TSPEAR: variants seen among roughly 807,000 people sequenced by gnomAD.
TSPEAR encodes the protein thrombospondin-type laminin G domain and EAR repeat-containing protein.
Under a neutral mutation model 71.6 loss-of-function variants are expected in TSPEAR, and 69 were observed. That is an observed-to-expected ratio of 0.96 (90% CI 0.79 to 1.18). The LOEUF is 1.18. Ranked by LOEUF, TSPEAR falls within the 50% of genes most tolerant of loss-of-function variation. TSPEAR has a pLI of 0.00. For synonymous variants in TSPEAR, 402 were observed against 387.2 expected, an observed-to-expected ratio of 1.04 and a Z score of -0.45; for missense variants, 971 against 894.9, an observed-to-expected ratio of 1.09 and a Z score of -1.09.
At chr21:44,502,769 G>T (rs587720551) in intron 11 of TSPEAR, among the ~76,000 whole-genome samples, 1 of 152,254 alleles carries the variant, frequency 6.6e-6, no homozygotes, top group Non-Finnish European at 1.5e-5. Context: ...GGGACTCGCT[G>T]TGAGCCGGTG....
chr21:44,628,005 C>T (rs587735240), intron 1 of TSPEAR: 2 of 1,611,212 alleles, frequency 1.2e-6, no homozygotes, highest in South Asian at 2.2e-5. Context: ...TGTGCTCCCG[C>T]CCGGCCTGCT....
intron 2 of TSPEAR, chr21:44,558,864 C>T (rs978405491): frequency 3.0e-5 from 31 of 1,027,164 alleles, no homozygotes; most frequent in African/African-American, 2.8e-4. Context: ...TGCCTGGCTT[C>T]GAGAAGCCTT....
intron 1 of TSPEAR, among the ~76,000 whole-genome samples, chr21:44,674,772 GTGTGTGTGTGTGTA>G (rs1186374081): frequency 6.8e-6 from 1 of 147,342 alleles, no homozygotes; most frequent in African/African-American, 2.6e-5. Flanking sequence ...GTGTGTGTGT[GTGTGTGTGTGTGTA>G]TAACATTACC....
intron 2 of TSPEAR, chr21:44,551,131 A>T (rs1555918740): frequency 6.4e-7 from 1 of 1,562,692 alleles, no homozygotes; most frequent in Admixed American, 1.7e-5. Flanking sequence ...ACGGGCACAC[A>T]GCACACAGGC....
Position 44,502,166 on chromosome 21 carries a change from G to A in TSPEAR, c.1857-2230C>T, listed in dbSNP as rs115268457. On this transcript the variant is annotated intron_variant, in intron 11 of 11. Transcript: ENST00000323084. Reference sequence around the variant, plus strand: ...TGGACCGCACCACGCACTCACAGATGCCAAAGGAGACCTCAGCCCTGGCCC... The same window carrying A: ...TGGACCGCACCACGCACTCACAGATACCAAAGGAGACCTCAGCCCTGGCCC... Among the ~76,000 whole-genome samples the A allele has an allele frequency of 2.4e-3, 365 of 152,298 alleles. 4 individuals carry two copies. Among genetic ancestry groups the A allele is most frequent in the African/African-American group, 8.2e-3 (339 of 41,566 alleles).
intron 10 of TSPEAR, chr21:44,508,902 C>T: frequency 6.7e-7 from 1 of 1,483,050 alleles, no homozygotes; most frequent in Non-Finnish European, 9.1e-7. Flanking sequence ...GAAGCCCCCT[C>T]CTGCCTCCAC....
At chr21:44,538,457 G>A (rs145917846) in intron 2 of TSPEAR, among the ~76,000 whole-genome samples, 7 of 145,500 alleles carry the variant, frequency 4.8e-5, no homozygotes, top group African/African-American at 1.5e-4. Context: ...CCTGGGCAGC[G>A]CCAGGGTTTT....
At chr21:44,505,843 A>G (rs1228498341) in intron 10 of TSPEAR, among the ~76,000 whole-genome samples, 3 of 152,036 alleles carry the variant, frequency 2.0e-5, no homozygotes, top group Non-Finnish European at 4.4e-5. Context: ...CCATGTGGCT[A>G]CTGTGAATGC....
intron 1 of TSPEAR, among the ~76,000 whole-genome samples, chr21:44,708,745 C>T (rs1988066211): frequency 6.6e-6 from 1 of 152,194 alleles, no homozygotes; most frequent in South Asian, 2.1e-4. Context: ...TCCCTGAGGC[C>T]CTCCTGGACA....
In TSPEAR at chr21:44,509,310, T is replaced by C. The variant is rs782347175; in HGVS notation, c.1643A>G (p.Tyr548Cys). 1 of 1,614,004 alleles carries C rather than the reference T, an allele frequency of 6.2e-7. No homozygotes were observed. Among genetic ancestry groups the C allele is most frequent in the Non-Finnish European group, 8.5e-7 (1 of 1,179,974 alleles). The change falls in exon 10 of 12, where the codon TAC becomes TGC. Residue 548 changes from tyrosine (Y) to cysteine (C), a missense_variant. Transcript: ENST00000323084. The part of the protein sequence containing the change: ...IFLAVANSHS[Y>C]DVEMQVQNDS... Reference sequence around the variant, plus strand: ...ATTCTGGACTTGCATCTCCACATCGTAGCTGTGACTGTTTGCCACAGCGAG... The same window carrying C: ...ATTCTGGACTTGCATCTCCACATCGCAGCTGTGACTGTTTGCCACAGCGAG...
At chr21:44,688,139 T>C (rs1986944574) in intron 1 of TSPEAR, among the ~76,000 whole-genome samples, 2 of 152,178 alleles carry the variant, frequency 1.3e-5, no homozygotes, top group African/African-American at 4.8e-5. Flanking sequence ...TCATAAAAAA[T>C]AGAAGCCACA....
chr21:44,529,187 C>T (rs1555915388), intron 5 of TSPEAR, among the ~76,000 whole-genome samples: 3 of 152,224 alleles, frequency 2.0e-5, no homozygotes, highest in African/African-American at 7.2e-5. Context: ...TGTTCTCCAC[C>T]TCACTGCCCC....
At position 44,545,273 on chromosome 21, in the gene TSPEAR, G is replaced by A. The variant is rs149093307; in HGVS notation, c.304-11350C>T. Among the ~76,000 whole-genome samples the A allele has an allele frequency of 2.7e-3, 405 of 151,784 alleles. 5 individuals are homozygous for A. The highest frequency in any genetic ancestry group is 9.1e-3 in the African/African-American group (376 of 41,336). On this transcript the variant is annotated intron_variant, in intron 2 of 11. Transcript: ENST00000323084. ...GTGGAGCTTGCAGTGAGCCGATATC[G>A]TGCCACTGCACTCCAGCCTGGGTGA...
intron 1 of TSPEAR, among the ~76,000 whole-genome samples, chr21:44,709,495 T>A (rs1325184827): frequency 6.6e-6 from 1 of 152,144 alleles, no homozygotes; most frequent in African/African-American, 2.4e-5. Flanking sequence ...GAGAGGGGAA[T>A]GAGCGCCGAA....
At chr21:44,507,858 C>T (rs1163916099) in intron 10 of TSPEAR, among the ~76,000 whole-genome samples, 1 of 151,932 alleles carries the variant, frequency 6.6e-6, no homozygotes, top group African/African-American at 2.4e-5. Context: ...TTTCTCCTGC[C>T]ATGGCTGCCA....
At chr21:44,667,269 C>T (rs909286852) in intron 1 of TSPEAR, among the ~76,000 whole-genome samples, 4 of 152,146 alleles carry the variant, frequency 2.6e-5, no homozygotes, top group African/African-American at 9.7e-5. Context: ...CCTTAAACCA[C>T]AGAAGTTTAC....
At chr21:44,647,467 G>A (rs1555940451) in intron 1 of TSPEAR, 2 of 1,272,922 alleles carry the variant, frequency 1.6e-6, no homozygotes, top group Non-Finnish European at 2.2e-6. Flanking sequence ...TAGCCACAGA[G>A]CTGCTGCCTG....
intron 10 of TSPEAR, chr21:44,508,640 A>T (rs1398328477): frequency 5.1e-6 from 6 of 1,186,990 alleles, no homozygotes; most frequent in Non-Finnish European, 6.4e-6. Context: ...CTGTGGCTCC[A>T]CGGAGCGTGT....
At chr21:44,636,584 G>A (rs1330684931) in intron 1 of TSPEAR, among the ~76,000 whole-genome samples, 2 of 152,154 alleles carry the variant, frequency 1.3e-5, no homozygotes, top group East Asian at 3.9e-4. Flanking sequence ...AGGCGTCCGG[G>A]CAGTGGGGCT....
Sources: allele counts gnomAD v4.1 joint callset (sites outside exome capture counted in the v4.1 genomes callset), GRCh38; gene constraint gnomAD v4.1.1; transcripts MANE v1.5; gene names NCBI Gene and HGNC (gene_info 2026-07-23, HGNC 2026-07-21).